PLCB4: variants seen among roughly 807,000 people sequenced by gnomAD.
The protein encoded by PLCB4 is phospholipase C beta 4, also known as 1-phosphatidylinositol 4,5-bisphosphate phosphodiesterase beta-4.
PLCB4 carries 77 observed loss-of-function variants against 178.8 expected under a neutral mutation model. The observed-to-expected ratio is 0.43, with a 90% CI of 0.36 to 0.52. The LOEUF (loss-of-function observed/expected upper bound fraction) is 0.52, where lower values mean the gene tolerates loss of function less well. PLCB4 is among the 20% of genes least tolerant of loss of function. The pLI is 0.00. For missense variants in PLCB4, 1,024 were observed against 1,453.4 expected (o/e 0.70, Z 4.80); for synonymous variants, 496 against 490.8 (o/e 1.01, Z -0.14).
intron 38 of PLCB4, 49 bp downstream of exon 38, chr20:9,473,414 G>A (rs915464666): frequency 9.5e-6 from 10 of 1,049,672 alleles, no homozygotes; most frequent in Non-Finnish European, 1.5e-5. Context: ...AGCCAGCTTT[G>A]GGATACACAT....
At chr20:9,205,800 C>T (rs1481955203) in intron 2 of PLCB4, among the ~76,000 whole-genome samples, 4 of 152,132 alleles carry the variant, frequency 2.6e-5, no homozygotes, top group African/African-American at 9.7e-5. Flanking sequence ...CCCCTGGGAA[C>T]CATTAATCTG....
rs142787828 is a variant in PLCB4 at position 9,178,284 on chromosome 20, G to A, written c.-78-39106G>A. 2.1e-3 allele frequency among the ~76,000 whole-genome samples: 319 copies of A among 152,216 alleles called. 3 individuals are homozygous for A. Among genetic ancestry groups the A allele is most frequent in the African/African-American group, 7.3e-3 (302 of 41,534 alleles). On this transcript the variant is annotated intron_variant, in intron 2 of 39. Transcript: ENST00000378473. The stretch of plus-strand genomic sequence containing the variant: ...TGCAGTGAGCTGAGATTGCACCACT[G>A]TACTCCAGCCTGGGCAATAGGAGTG...
At position 9,387,456 on chromosome 20, in the gene PLCB4, T is replaced by A. The variant is rs371319194; in HGVS notation, c.1065-7T>A. ...GTTTCAATATTGTAACTTCACTATA[T>A]CCCTAGATGTGTTGAACTTGACTGC... On this transcript the variant is annotated splice_region_variant and splice_polypyrimidine_tract_variant and intron_variant, in intron 14 of 39. Transcript: ENST00000378473. 2.1e-5 allele frequency: 30 copies of A among 1,430,966 alleles called. No individual in the cohort carries two copies. In the African/African-American group the frequency reaches 4.1e-4, roughly 20 times the overall value. The allele number at this position is 1,430,966 out of a possible 1,614,324, so 88.6% of individuals were successfully genotyped here. A position where few individuals can be genotyped will look rare whatever the true frequency, so the allele number is the denominator to read the frequency against.
intron 30 of PLCB4, 88 bp from the exon 31 acceptor site, chr20:9,443,893 T>G: frequency 1.2e-5 from 9 of 748,124 alleles, no homozygotes; most frequent in Non-Finnish European, 1.8e-5. Flanking sequence ...AGTCTTTCGA[T>G]GAGATTTCGA....
intron 2 of PLCB4, among the ~76,000 whole-genome samples, chr20:9,097,232 C>CTTTTTTTTTTTTTTTT (rs544568591): frequency 1.2e-5 from 1 of 81,074 alleles, no homozygotes; most frequent in Non-Finnish European, 2.4e-5. Flanking sequence ...ACAGCCTGGC[C>CTTTTTTTTTTTTTTTT]TTTTTTTTTT....
chr20:9,150,179 A>AAAG (rs2092668335), intron 2 of PLCB4, among the ~76,000 whole-genome samples: 1 of 152,228 alleles, frequency 6.6e-6, no homozygotes, highest in Non-Finnish European at 1.5e-5. Context: ...AAATACAGTG[A>AAAG]TTAAACCATA....
intron 2 of PLCB4, among the ~76,000 whole-genome samples, chr20:9,202,689 CA>C (rs376275375): frequency 2.7e-4 from 41 of 152,274 alleles, no homozygotes; most frequent in African/African-American, 8.7e-4. Context: ...GTGGTGCTGA[CA>C]AAGGCTGGGA....
intron 24 of PLCB4, among the ~76,000 whole-genome samples, chr20:9,410,059 G>A (rs1311108199): frequency 2.0e-5 from 3 of 152,146 alleles, no homozygotes; most frequent in Non-Finnish European, 4.4e-5. Context: ...AATCTATTTT[G>A]TATTTTAAGA....
chr20:9,185,344 G>A (rs1020037662), intron 2 of PLCB4, among the ~76,000 whole-genome samples: 1 of 152,026 alleles, frequency 6.6e-6, no homozygotes, highest in African/African-American at 2.4e-5. Context: ...TTTAGAAAGG[G>A]CATATTATTC....
At chr20:9,092,716 T>A (rs1245705988) in intron 1 of PLCB4, among the ~76,000 whole-genome samples, 1 of 152,188 alleles carries the variant, frequency 6.6e-6, no homozygotes, top group Admixed American at 6.6e-5. Context: ...AGGTTCCTTC[T>A]GTCTTTCTCA....
At chr20:9,311,136 A>G (rs2094828445) in intron 4 of PLCB4, among the ~76,000 whole-genome samples, 1 of 152,142 alleles carries the variant, frequency 6.6e-6, no homozygotes, top group Non-Finnish European at 1.5e-5. Flanking sequence ...TGACTTTCCT[A>G]TAATATCCAC....
intron 1 of PLCB4, among the ~76,000 whole-genome samples, chr20:9,087,771 G>A (rs2090500074): frequency 6.6e-6 from 1 of 152,212 alleles, no homozygotes; most frequent in Non-Finnish European, 1.5e-5. Context: ...CACCCTGATG[G>A]ATTTTTTGGA....
chr20:9,159,178 G>C (rs1359444029), intron 2 of PLCB4, among the ~76,000 whole-genome samples: 3 of 152,116 alleles, frequency 2.0e-5, no homozygotes, highest in Non-Finnish European at 4.4e-5. Flanking sequence ...TTTTATCCAA[G>C]TTATTATCTA....
intron 3 of PLCB4, among the ~76,000 whole-genome samples, chr20:9,270,861 T>C (rs760455384): frequency 1.1e-4 from 17 of 152,142 alleles, no homozygotes; most frequent in Admixed American, 6.6e-4. Context: ...AATTATTTGT[T>C]GATTTCCATA....
chr20:9,358,656 A>C (rs555842416), intron 7 of PLCB4, among the ~76,000 whole-genome samples: 5 of 152,276 alleles, frequency 3.3e-5, no homozygotes, highest in Admixed American at 2.0e-4. Flanking sequence ...GCACTTTGGG[A>C]GGCCAAGGCG....
At chr20:9,401,897 A>G (rs909094306) in intron 20 of PLCB4, among the ~76,000 whole-genome samples, 2 of 152,190 alleles carry the variant, frequency 1.3e-5, no homozygotes, top group Non-Finnish European at 2.9e-5. Flanking sequence ...TCCCAGGGGT[A>G]AGATTTAATC....
chr20:9,413,399 C>T (rs969882383), intron 25 of PLCB4, among the ~76,000 whole-genome samples: 1 of 150,114 alleles, frequency 6.7e-6, no homozygotes, highest in Non-Finnish European at 1.5e-5. Context: ...GTGGCTCACA[C>T]CTGGAATCCC....
intron 2 of PLCB4, among the ~76,000 whole-genome samples, chr20:9,136,638 G>T (rs983783911): frequency 1.3e-5 from 2 of 152,038 alleles, no homozygotes; most frequent in African/African-American, 4.8e-5. Flanking sequence ...CAGATCACTG[G>T]CAACTTCTGT....
In PLCB4 at chr20:9,473,363, C is replaced by G. The variant is rs2044319461; in HGVS notation, c.3493C>G (p.Gln1165Glu). 1 of 1,569,080 alleles carries G rather than the reference C, an allele frequency of 6.4e-7. No individual in the cohort carries two copies. Among genetic ancestry groups the G allele is most frequent in the Admixed American group, 1.7e-5 (1 of 57,810 alleles). Residue 1165 changes from glutamine to glutamate, a missense_variant and splice_region_variant, in exon 38 of 40, where the codon CAG becomes GAG. By Grantham distance (29) the Gln-to-Glu change is conservative (BLOSUM62 2). Around this residue, in one of 7 missense-constraint regions of PLCB4, gnomAD observed 264 missense variants for 283.2 expected, o/e 0.93. Transcript: ENST00000378473. ...AGAATTCCTAGAGAAACAGAATGAGCAGGTATTTTACCTAAAATACGTAAA... is the reference window on the plus strand; with the variant it reads ...AGAATTCCTAGAGAAACAGAATGAGGAGGTATTTTACCTAAAATACGTAAA... Reference protein sequence around the residue: ...HLEFLEKQNEQLLKSCHAVSQ... With the variant: ...HLEFLEKQNEELLKSCHAVSQ...
Sources: allele counts gnomAD v4.1 joint callset (sites outside exome capture counted in the v4.1 genomes callset), GRCh38; gene constraint gnomAD v4.1.1; regional missense constraint gnomAD v4.1.1; transcripts MANE v1.5; gene names NCBI Gene and HGNC (gene_info 2026-07-23, HGNC 2026-07-21).